The following DPP10 variants were observed in gnomAD, a reference collection of about 807,000 sequenced individuals.
DPP10 encodes inactive dipeptidyl peptidase 10.
A neutral mutation model predicts 120.9 loss-of-function variants in DPP10; 33 were observed. The ratio of observed to expected loss-of-function variants is 0.27; its 90% CI spans 0.21 to 0.37. The LOEUF is 0.37. DPP10 is among the 10% of genes least tolerant of loss of function. DPP10 has a pLI of 1.00. For missense variants in DPP10, 816 were observed against 942.8 expected, an observed-to-expected ratio of 0.87 and a Z score of 1.76; for synonymous variants, 337 against 326.1, an observed-to-expected ratio of 1.03 and a Z score of -0.36.
At chr2:114,987,283 G>A (rs1220463136) in intron 1 of DPP10, among the ~76,000 whole-genome samples, 1 of 152,070 alleles carries the variant, frequency 6.6e-6, no homozygotes, top group African/African-American at 2.4e-5. Context: ...CTATGCCATA[G>A]CACTTTCTCC....
At chr2:115,578,391 C>A (rs939914569) in intron 5 of DPP10, among the ~76,000 whole-genome samples, 2 of 152,092 alleles carry the variant, frequency 1.3e-5, no homozygotes, top group Non-Finnish European at 2.9e-5. Context: ...CACAACCCCC[C>A]ACCCCTCCAA....
chr2:115,805,898 T>C (rs139232059), intron 19 of DPP10, among the ~76,000 whole-genome samples: 1 of 152,104 alleles, frequency 6.6e-6, no homozygotes, highest in Non-Finnish European at 1.5e-5. Context: ...CATAAGAACT[T>C]GTACTCTCAC....
intron 5 of DPP10, among the ~76,000 whole-genome samples, chr2:115,560,264 G>A (rs1319001132): frequency 1.4e-5 from 2 of 145,958 alleles, no homozygotes; most frequent in East Asian, 2.1e-4. Context: ...CCAGCTACTC[G>A]GGAGGCTGAG....
At chr2:115,384,679 A>G (rs1298741327) in intron 3 of DPP10, among the ~76,000 whole-genome samples, 2 of 149,030 alleles carry the variant, frequency 1.3e-5, no homozygotes, top group African/African-American at 5.1e-5. Flanking sequence ...AAGGAAGAAG[A>G]AGAGGAAGAA....
intron 1 of DPP10, among the ~76,000 whole-genome samples, chr2:115,267,609 T>G (rs896197741): frequency 6.6e-6 from 1 of 152,104 alleles, no homozygotes; most frequent in African/African-American, 2.4e-5. Context: ...CTCACCTTTA[T>G]TTCACTCTCT....
At chr2:115,387,616 A>G (rs2067036544) in intron 3 of DPP10, among the ~76,000 whole-genome samples, 1 of 152,176 alleles carries the variant, frequency 6.6e-6, no homozygotes, top group East Asian at 1.9e-4. Context: ...ATTTTATGCA[A>G]TTGGTACATT....
intron 1 of DPP10, among the ~76,000 whole-genome samples, chr2:114,786,668 G>T (rs1682793866): frequency 6.6e-6 from 1 of 152,188 alleles, no homozygotes; most frequent in African/African-American, 2.4e-5. Flanking sequence ...GAACCTCCAG[G>T]TGTTTTAATC....
At chr2:115,611,550 A>G (rs2084100701) in intron 5 of DPP10, among the ~76,000 whole-genome samples, 1 of 152,130 alleles carries the variant, frequency 6.6e-6, no homozygotes, top group Non-Finnish European at 1.5e-5. Flanking sequence ...ACTTTTTGGG[A>G]CTATATGACT....
At chr2:114,993,645 CA>C (rs1700898133) in intron 1 of DPP10, among the ~76,000 whole-genome samples, 1 of 132,916 alleles carries the variant, frequency 7.5e-6, no homozygotes, top group African/African-American at 2.7e-5. Flanking sequence ...ATGCTTTTTA[CA>C]TAAAACCCAA....
chr2:114,708,611 G>C (rs773956824), intron 1 of DPP10, among the ~76,000 whole-genome samples: 4 of 152,146 alleles, frequency 2.6e-5, no homozygotes, highest in Admixed American at 6.5e-5. Context: ...TTGCAACTGT[G>C]GCTCAGGTGT....
At chr2:115,654,860 G>A (rs1168557902) in intron 5 of DPP10, among the ~76,000 whole-genome samples, 1 of 151,566 alleles carries the variant, frequency 6.6e-6, no homozygotes, top group Non-Finnish European at 1.5e-5. Context: ...TAGCTGATAG[G>A]GTCATTAGAG....
chr2:115,266,643 TG>T (rs1196166750), intron 1 of DPP10, among the ~76,000 whole-genome samples: 1 of 152,168 alleles, frequency 6.6e-6, no homozygotes, highest in Non-Finnish European at 1.5e-5. Flanking sequence ...TTGTCCAGAA[TG>T]GTTACTGTCC....
intron 1 of DPP10, chr2:115,050,034 T>C (rs1426805364): frequency 6.6e-6 from 1 of 152,152 alleles, no homozygotes; most frequent in Non-Finnish European, 1.5e-5. Flanking sequence ...CAAAAGAAAT[T>C]TCCAAAAGGG....
At chr2:115,540,766 T>G (rs1352604458) in intron 5 of DPP10, among the ~76,000 whole-genome samples, 6 of 152,022 alleles carry the variant, frequency 3.9e-5, no homozygotes, top group African/African-American at 1.2e-4. Context: ...TTAGCAATTT[T>G]CAATCCAAGG....
At chr2:115,204,165 TTCTG>T (rs2055949311) in intron 1 of DPP10, among the ~76,000 whole-genome samples, 1 of 152,152 alleles carries the variant, frequency 6.6e-6, no homozygotes, top group Admixed American at 6.6e-5. Context: ...ATTAAACCTT[TTCTG>T]TCTATTTCTG....
At chr2:114,795,076 T>C (rs1474182777) in intron 1 of DPP10, among the ~76,000 whole-genome samples, 2 of 152,192 alleles carry the variant, frequency 1.3e-5, no homozygotes, top group African/African-American at 4.8e-5. Context: ...AAACTTATTC[T>C]TTACGGTATA....
At chr2:114,445,207 T>C (rs563508181) in intron 1 of DPP10, among the ~76,000 whole-genome samples, 2 of 152,286 alleles carry the variant, frequency 1.3e-5, no homozygotes, top group East Asian at 3.9e-4. Context: ...TTACTATCAA[T>C]TTACTATCAG....
At chr2:115,724,526 ATT>A (rs71394164) in intron 7 of DPP10, among the ~76,000 whole-genome samples, 3 of 151,224 alleles carry the variant, frequency 2.0e-5, no homozygotes, top group Admixed American at 6.6e-5. Context: ...TTGTTCTTCT[ATT>A]TTTTTTTGTG....
intron 1 of DPP10, among the ~76,000 whole-genome samples, chr2:114,907,448 T>C (rs753651760): frequency 6.6e-5 from 10 of 152,086 alleles, no homozygotes; most frequent in Non-Finnish European, 8.8e-5. Context: ...TATATATTTA[T>C]CTTAAAGCGC....
Sources: allele counts gnomAD v4.1 joint callset (sites outside exome capture counted in the v4.1 genomes callset), GRCh38; gene constraint gnomAD v4.1.1; transcripts MANE v1.5; gene names NCBI Gene and HGNC (gene_info 2026-07-23, HGNC 2026-07-21).